Variants in LIMK2 observed in about 807,000 individuals in gnomAD.
The protein encoded by LIMK2 is LIM domain kinase 2.
In LIMK2, 35 loss-of-function variants were observed where a neutral mutation model predicts 75.7. The observed-to-expected ratio is 0.46, with a 90% CI of 0.35 to 0.61. The LOEUF is 0.61. LIMK2 is among the 20% of genes least tolerant of loss of function. The pLI, the probability that LIMK2 is intolerant of heterozygous loss-of-function variation, is 0.00. For synonymous variants in LIMK2, 301 were observed against 319.2 expected, an observed-to-expected ratio of 0.94 and a Z score of 0.61; for missense variants, 623 against 831.0, an observed-to-expected ratio of 0.75 and a Z score of 3.08.
intron 15 of LIMK2, chr22:31,277,639 T>TTGAATG: frequency 4.2e-6 from 3 of 719,554 alleles, no homozygotes; most frequent in Non-Finnish European, 5.1e-6. Flanking sequence ...ATATACAGTA[T>TTGAATG]TGAATGCCTA....
intron 15 of LIMK2, chr22:31,276,953 A>T (rs1569005676): frequency 1.9e-6 from 3 of 1,613,794 alleles, no homozygotes; most frequent in African/African-American, 2.7e-5. Context: ...TACGACTGCC[A>T]GGAAGAGGAG....
chr22:31,254,817 G>A (rs1193722802), intron 2 of LIMK2, among the ~76,000 whole-genome samples: 1 of 152,108 alleles, frequency 6.6e-6, no homozygotes, highest in Admixed American at 6.5e-5. Context: ...AAATTAGCCG[G>A]GTGTGGTGGC....
chr22:31,254,324 G>A (rs1012527613), intron 2 of LIMK2, among the ~76,000 whole-genome samples: 10 of 152,212 alleles, frequency 6.6e-5, no homozygotes, highest in African/African-American at 1.9e-4. Flanking sequence ...CTGCATTTGG[G>A]TGCAAATAAG....
At chr22:31,214,444 A>G (rs1192389425) in intron 1 of LIMK2, among the ~76,000 whole-genome samples, 1 of 152,144 alleles carries the variant, frequency 6.6e-6, no homozygotes, top group African/African-American at 2.4e-5. Flanking sequence ...GTGCTGTAAG[A>G]GTGCACCAGG....
chr22:31,217,260 T>TA (rs1555884737), intron 1 of LIMK2, among the ~76,000 whole-genome samples: 2 of 151,734 alleles, frequency 1.3e-5, no homozygotes, highest in Non-Finnish European at 1.5e-5. Context: ...TAGCCGGGCA[T>TA]GGGGGCAGGT....
chr22:31,212,352 TGA>T lies in LIMK2; in HGVS notation c.-55_-54del. ...GGAGCTGAGGGGAGTTGTAGGGAAC[TGA>T]GGGGAGCTGCTGTGTCCCCCGCCTC... On this transcript the variant is annotated 5_prime_UTR_variant, in exon 1 of 16. Coordinates refer to ENST00000331728, the MANE Select transcript of LIMK2 (RefSeq NM_005569.4). The T allele has an allele frequency of 1.5e-6, 2 of 1,325,642 alleles. No homozygotes were observed. The highest frequency in any genetic ancestry group is 1.9e-6 in the Non-Finnish European group (2 of 1,029,210). The allele number at this position is 1,325,642 out of a possible 1,614,324, so 82.1% of individuals were successfully genotyped here. A position where few individuals can be genotyped will look rare whatever the true frequency, so the allele number is the denominator to read the frequency against.
intron 2 of LIMK2, among the ~76,000 whole-genome samples, chr22:31,254,043 C>T (rs2048752250): frequency 6.6e-6 from 1 of 152,216 alleles, no homozygotes; most frequent in Non-Finnish European, 1.5e-5. Context: ...ACTTTGGCCA[C>T]ATAGCTGGCT....
At chr22:31,213,307 C>G (rs1342869251) in intron 1 of LIMK2, among the ~76,000 whole-genome samples, 2 of 152,196 alleles carry the variant, frequency 1.3e-5, no homozygotes, top group East Asian at 1.9e-4. Context: ...CATCTTTTCC[C>G]CCAGCAGTAG....
chr22:31,252,988 G>A (rs1401535787), intron 2 of LIMK2, among the ~76,000 whole-genome samples: 1 of 152,204 alleles, frequency 6.6e-6, no homozygotes, highest in Non-Finnish European at 1.5e-5. Context: ...GACTCAAAAG[G>A]TCTCTGTGTG....
In LIMK2 at chr22:31,266,113, T is replaced by C. The variant is rs1419060906; in HGVS notation, c.1022T>C (p.Phe341Ser). 15 of 1,614,092 alleles carry C rather than the reference T, an allele frequency of 9.3e-6. No homozygotes were observed. Among genetic ancestry groups the C allele is most frequent in the Non-Finnish European group, 1.2e-5 (14 of 1,180,036 alleles). ...LIHGEVLGKGFFGQAIKVTHK... is the reference protein window; with the variant it reads ...LIHGEVLGKGSFGQAIKVTHK... ...CATGGGGAGGTCCTGGGGAAGGGCT[T>C]CTTTGGGCAGGCTATCAAGGTGAGC... is the stretch of plus-strand genomic sequence containing the variant. Residue 341 changes from phenylalanine to serine, a missense_variant, in exon 8 of 16, where the codon TTC becomes TCC. Physicochemically the swap from Phe to Ser is radical, Grantham distance 155 (BLOSUM62 -2). Coordinates refer to ENST00000331728, the MANE Select transcript of LIMK2 (RefSeq NM_005569.4).
intron 2 of LIMK2, among the ~76,000 whole-genome samples, chr22:31,233,775 A>G (rs2048548121): frequency 6.6e-6 from 1 of 152,186 alleles, no homozygotes; most frequent in South Asian, 2.1e-4. Context: ...CCCAGTGCCT[A>G]AGCCAGAAAC....
chr22:31,241,388 G>A (rs1229541207), intron 2 of LIMK2, among the ~76,000 whole-genome samples: 4 of 152,258 alleles, frequency 2.6e-5, no homozygotes, highest in East Asian at 1.9e-4. Context: ...CCTCAGGAAC[G>A]GCTCTGGTCA....
At chr22:31,226,162 A>G (rs778289468) in intron 2 of LIMK2, among the ~76,000 whole-genome samples, 2 of 149,306 alleles carry the variant, frequency 1.3e-5, no homozygotes, top group African/African-American at 5.0e-5. Context: ...CAGGTACTTC[A>G]AGAGTTGTTT....
intron 1 of LIMK2, among the ~76,000 whole-genome samples, chr22:31,225,429 G>C (rs2048469561): frequency 6.6e-6 from 1 of 152,172 alleles, no homozygotes; most frequent in South Asian, 2.1e-4. Flanking sequence ...GAAAGTTCTA[G>C]AAAAAGGCAA....
intron 14 of LIMK2, among the ~76,000 whole-genome samples, chr22:31,274,271 T>C (rs1355761435): frequency 6.6e-6 from 1 of 152,162 alleles, no homozygotes; most frequent in Non-Finnish European, 1.5e-5. Context: ...TTTAGGAGTT[T>C]AGTCAGGTGA....
chr22:31,240,573 A>AC (rs1311423449), intron 2 of LIMK2, among the ~76,000 whole-genome samples: 6 of 150,722 alleles, frequency 4.0e-5, no homozygotes, highest in African/African-American at 7.3e-5. Context: ...ACAGGCGCAC[A>AC]CCCCCACTCC....
Position 31,275,201 on chromosome 22 carries a change from C to G in LIMK2, c.1665C>G (p.Asp555Glu). ...CTGACTGCCTTCCCCGAACACTGGA[C>G]TTTGGCCTCAACGTGAAGCTTTTCT... ...ADPDCLPRTLDFGLNVKLFWE... is the reference protein window; with the variant it reads ...ADPDCLPRTLEFGLNVKLFWE... Residue 555 changes from aspartate to glutamate, a missense_variant, in exon 15 of 16, where the codon GAC (aspartate) becomes GAG (glutamate). By Grantham distance (45) the Asp-to-Glu change is conservative. Coordinates refer to ENST00000331728, the MANE Select transcript of LIMK2 (RefSeq NM_005569.4). 6.2e-7 allele frequency: 1 copy of G among 1,614,206 alleles called. No individual in the cohort carries two copies. Among genetic ancestry groups the G allele is most frequent in the Non-Finnish European group, 8.5e-7 (1 of 1,180,032 alleles).
chr22:31,259,317 G>A, intron 4 of LIMK2, 87 bp downstream of exon 4: 1 of 762,058 alleles, frequency 1.3e-6, no homozygotes, highest in East Asian at 2.6e-5. Context: ...GGCAGAAGGA[G>A]TGTTAGGGTA....
chr22:31,224,534 C>G (rs2048462891), intron 1 of LIMK2, among the ~76,000 whole-genome samples: 1 of 152,172 alleles, frequency 6.6e-6, no homozygotes, highest in Non-Finnish European at 1.5e-5. Flanking sequence ...TTTTAATTTT[C>G]CTATCCATTA....
Sources: allele counts gnomAD v4.1 joint callset (sites outside exome capture counted in the v4.1 genomes callset), GRCh38; gene constraint gnomAD v4.1.1; transcripts MANE v1.5; gene names NCBI Gene and HGNC (gene_info 2026-07-23, HGNC 2026-07-21).